GAREM1: variants seen among roughly 807,000 people sequenced by gnomAD.
GAREM1 encodes the protein GRB2 associated regulator of MAPK1 subtype 1.
Under a neutral mutation model 71.3 loss-of-function variants are expected in GAREM1, and 26 were observed. The observed-to-expected ratio is 0.36, with a 90% CI of 0.27 to 0.51. The LOEUF (loss-of-function observed/expected upper bound fraction) is 0.51, where lower values mean the gene tolerates loss of function less well. Among genes scored for constraint, GAREM1 ranks in the 20% least tolerant of loss-of-function variants. GAREM1 has a pLI of 0.95. For synonymous variants in GAREM1, 440 were observed against 433.2 expected (o/e 1.02, Z -0.20); for missense variants, 1,026 against 1,103.1 (o/e 0.93, Z 0.99).
intron 1 of GAREM1, among the ~76,000 whole-genome samples, chr18:32,464,329 G>C (rs2048979607): frequency 1.3e-5 from 2 of 152,028 alleles, no homozygotes; most frequent in Non-Finnish European, 2.9e-5. Flanking sequence ...GTACCATTTG[G>C]TAAAACTCAC....
In GAREM1 at chr18:32,287,039, A is replaced by G; in HGVS notation, c.1558T>C (p.Ser520Pro). ...AAACAGAAATGACTTACGGCTTCAG[A>G]TTTGGGAGGCACTGGAGGTGGAGGT... is the stretch of plus-strand genomic sequence containing the variant. ...ALPPPPVPPK[S>P]EAVREECRLL... The change falls in exon 4 of 6, where the codon TCT (serine) becomes CCT (proline). Residue 520 changes from serine to proline, a missense_variant. Physicochemically the swap from Ser to Pro is moderately conservative, Grantham distance 74. This residue lies in a region of GAREM1 where 636 missense variants were observed against 631.2 expected (regional missense o/e 1.01). Coordinates refer to ENST00000269209, the MANE Select transcript of GAREM1 (RefSeq NM_001242409.2). This position sits in a 1 kb window ranked among gnomAD's most constrained non-coding sequence, Gnocchi z 5.9. 6.2e-7 allele frequency: 1 copy of G among 1,611,786 alleles called. No homozygotes were observed. Among genetic ancestry groups the G allele is most frequent in the Non-Finnish European group, 8.5e-7 (1 of 1,178,132 alleles).
At chr18:32,417,167 G>A (rs934123941) in intron 1 of GAREM1, among the ~76,000 whole-genome samples, 5 of 152,126 alleles carry the variant, frequency 3.3e-5, no homozygotes, top group African/African-American at 1.2e-4. Context: ...AAACTACAAT[G>A]AAATATCATT....
At chr18:32,461,435 C>G (rs2144312101) in intron 1 of GAREM1, among the ~76,000 whole-genome samples, 1 of 152,202 alleles carries the variant, frequency 6.6e-6, no homozygotes, top group Middle Eastern at 3.4e-3. Flanking sequence ...GTGGCTCATA[C>G]CTGTAATTCC....
At chr18:32,292,251 A>AT (rs539173829) in intron 3 of GAREM1, among the ~76,000 whole-genome samples, 59 of 149,044 alleles carry the variant, frequency 4.0e-4, no homozygotes, top group Admixed American at 2.5e-3. Context: ...AGTGATGATG[A>AT]TTTTTTTTTT....
At chr18:32,442,378 C>A (rs993748565) in intron 1 of GAREM1, among the ~76,000 whole-genome samples, 2 of 152,076 alleles carry the variant, frequency 1.3e-5, no homozygotes, top group East Asian at 3.9e-4. Context: ...TTTTACTCGG[C>A]ATGTGATATT....
chr18:32,391,684 T>C (rs546027220), intron 2 of GAREM1, among the ~76,000 whole-genome samples: 1 of 152,194 alleles, frequency 6.6e-6, no homozygotes, highest in Admixed American at 6.5e-5. Flanking sequence ...TCTGCCCCTG[T>C]GAAAACTGCC....
At chr18:32,464,294 G>GT (rs1218855088) in intron 1 of GAREM1, among the ~76,000 whole-genome samples, 1 of 151,938 alleles carries the variant, frequency 6.6e-6, no homozygotes, top group African/African-American at 2.4e-5. Flanking sequence ...AAAAAAAGAT[G>GT]TAAGTGTCTA....
chr18:32,433,676 G>A (rs1036747683), intron 1 of GAREM1, among the ~76,000 whole-genome samples: 2 of 151,462 alleles, frequency 1.3e-5, no homozygotes, highest in Admixed American at 6.6e-5. Flanking sequence ...ATATACAATT[G>A]GAAACAAATT....
chr18:32,271,374 G>A (rs1165143498), intron 4 of GAREM1, among the ~76,000 whole-genome samples: 1 of 151,990 alleles, frequency 6.6e-6, no homozygotes, highest in African/African-American at 2.4e-5. Context: ...TGTATTTTTA[G>A]TAGAGTCGGG....
At chr18:32,357,319 A>G (rs1223287548) in intron 2 of GAREM1, among the ~76,000 whole-genome samples, 1 of 152,204 alleles carries the variant, frequency 6.6e-6, no homozygotes, top group Non-Finnish European at 1.5e-5. Flanking sequence ...TCAATTAAAA[A>G]TAAATAAATT....
chr18:32,306,043 G>T (rs547115928), intron 3 of GAREM1, among the ~76,000 whole-genome samples: 27 of 152,210 alleles, frequency 1.8e-4, no homozygotes, highest in Middle Eastern at 3.4e-3. Context: ...TAAACTCTAG[G>T]ACCACCCTAC....
intron 4 of GAREM1, among the ~76,000 whole-genome samples, chr18:32,277,890 AACAT>A (rs2144436032): frequency 6.6e-6 from 1 of 152,294 alleles, no homozygotes; most frequent in East Asian, 1.9e-4. Context: ...CAAAAACTGA[AACAT>A]ACATACAATT....
At chr18:32,434,251 C>T (rs2048653612) in intron 1 of GAREM1, among the ~76,000 whole-genome samples, 1 of 152,070 alleles carries the variant, frequency 6.6e-6, no homozygotes, top group South Asian at 2.1e-4. Flanking sequence ...ACTATGAACT[C>T]CTGAGTTCAT....
At chr18:32,381,531 TC>T (rs900446322) in intron 2 of GAREM1, among the ~76,000 whole-genome samples, 7 of 152,204 alleles carry the variant, frequency 4.6e-5, no homozygotes, top group Admixed American at 1.3e-4. Flanking sequence ...ATCGTTTTTT[TC>T]CTCTTGAACA....
At chr18:32,382,338 C>G (rs11872557) in intron 2 of GAREM1, among the ~76,000 whole-genome samples, 1,915 of 152,110 alleles carry the variant, frequency 0.013, 51 homozygotes, top group African/African-American at 0.044. Context: ...AAAAATGAGG[C>G]CGGATTTCAC....
At chr18:32,444,066 A>G (rs989955700) in intron 1 of GAREM1, among the ~76,000 whole-genome samples, 2 of 152,162 alleles carry the variant, frequency 1.3e-5, no homozygotes, top group African/African-American at 4.8e-5. Context: ...CAATGTAGGC[A>G]AATCTACATG....
At chr18:32,452,944 G>A (rs1314962132) in intron 1 of GAREM1, among the ~76,000 whole-genome samples, 2 of 151,876 alleles carry the variant, frequency 1.3e-5, no homozygotes, top group African/African-American at 4.8e-5. Flanking sequence ...ACACGTGGGT[G>A]TGTGCTTGAG....
chr18:32,286,676 A>G (rs796343556), intron 4 of GAREM1, among the ~76,000 whole-genome samples: 71 of 152,254 alleles, frequency 4.7e-4, no homozygotes, highest in African/African-American at 1.6e-3. Flanking sequence ...AGCCACTACC[A>G]GCTGCCACGG....
chr18:32,282,473 C>T (rs1005146779), intron 4 of GAREM1, among the ~76,000 whole-genome samples: 1 of 151,944 alleles, frequency 6.6e-6, no homozygotes, highest in African/African-American at 2.4e-5. Context: ...GTGCTGGGGT[C>T]CCCAGATAGG....
Sources: gnomAD v4.1 joint callset for allele counts (sites outside exome capture counted in the v4.1 genomes callset) on GRCh38, gnomAD v4.1.1 for gene constraint, gnomAD v4.1.1 regional missense constraint, Gnocchi (gnomAD v3.1) non-coding constraint, MANE v1.5 for transcripts, NCBI Gene and HGNC (gene_info 2026-07-23, HGNC 2026-07-21) for gene names.